The following GRIK2 variants were observed in gnomAD, a reference collection of about 807,000 sequenced individuals.
GRIK2 encodes glutamate ionotropic receptor kainate type subunit 2.
Under a neutral mutation model 100.3 loss-of-function variants are expected in GRIK2, and 32 were observed. The observed-to-expected ratio is 0.32, with a 90% confidence interval of 0.24 to 0.43. The LOEUF (loss-of-function observed/expected upper bound fraction) is 0.43, where lower values mean the gene tolerates loss of function less well. Among genes scored for constraint, GRIK2 ranks in the 20% least tolerant of loss-of-function variants. The pLI, the probability that GRIK2 is intolerant of heterozygous loss-of-function variation, is 1.00. For missense variants in GRIK2, 843 were observed against 1,114.9 expected, an observed-to-expected ratio of 0.76 and a Z score of 3.47; for synonymous variants, 417 against 389.4, an observed-to-expected ratio of 1.07 and a Z score of -0.83.
intron 2 of GRIK2, among the ~76,000 whole-genome samples, chr6:101,566,732 A>G (rs1009156512): frequency 3.3e-5 from 5 of 150,694 alleles, no homozygotes; most frequent in Non-Finnish European, 5.9e-5. Context: ...GTAAAACAAG[A>G]AAATTTTTTT....
intron 12 of GRIK2, among the ~76,000 whole-genome samples, chr6:101,898,171 A>G (rs554622801): frequency 3.9e-5 from 6 of 152,006 alleles, no homozygotes; most frequent in African/African-American, 1.4e-4. Flanking sequence ...CCTCACCCTC[A>G]CCACAAATGA....
intron 9 of GRIK2, among the ~76,000 whole-genome samples, chr6:101,803,351 G>A (rs895293355): frequency 4.0e-5 from 6 of 151,796 alleles, no homozygotes; most frequent in African/African-American, 7.2e-5. Context: ...CCAGGACAGA[G>A]TAAAATTGCA....
chr6:101,455,042 ATCT>A (rs1294717564), intron 2 of GRIK2, among the ~76,000 whole-genome samples: 1 of 152,070 alleles, frequency 6.6e-6, no homozygotes, highest in Admixed American at 6.6e-5. Flanking sequence ...AATTTATAAA[ATCT>A]TCTACATTTT....
chr6:101,496,422 T>C (rs1258590016), intron 2 of GRIK2, among the ~76,000 whole-genome samples: 2 of 152,200 alleles, frequency 1.3e-5, no homozygotes, highest in Admixed American at 6.5e-5. Context: ...ACATGCCTTA[T>C]GGGATCAGAC....
At chr6:101,545,578 C>T (rs1233700560) in intron 2 of GRIK2, among the ~76,000 whole-genome samples, 3 of 151,984 alleles carry the variant, frequency 2.0e-5, no homozygotes, top group African/African-American at 2.4e-5. Flanking sequence ...CTTTATCTTG[C>T]GGTGTTTCAT....
intron 7 of GRIK2, among the ~76,000 whole-genome samples, chr6:101,762,036 TTTTCCTTCC>T (rs551144033): frequency 0.011 from 1,056 of 93,724 alleles, 50 homozygotes; most frequent in African/African-American, 0.033. Context: ...TGTTTGTTTC[TTTTCCTTCC>T]TTTCCTTCCT....
chr6:101,792,784 A>T (rs1397011848), intron 7 of GRIK2, among the ~76,000 whole-genome samples: 1 of 151,998 alleles, frequency 6.6e-6, no homozygotes, highest in Non-Finnish European at 1.5e-5. Flanking sequence ...GTTCTCCTGG[A>T]TAATATCCTG....
In GRIK2 at chr6:101,810,108, T is replaced by C. The variant is rs1243039807; in HGVS notation, c.1203+7670T>C. ...ATATGTATAAATTACAATTATGATA[T>C]ATATAACATAATTGTAATTGATTGA... On this transcript the variant is annotated intron_variant, in intron 9 of 16. Coordinates refer to ENST00000369134, the MANE Select transcript of GRIK2 (RefSeq NM_021956.5). 4.0e-5 allele frequency among the ~76,000 whole-genome samples: 6 copies of C among 151,728 alleles called. No homozygotes were observed. In the East Asian group the frequency reaches 9.6e-4, roughly 24 times the overall value.
intron 14 of GRIK2, among the ~76,000 whole-genome samples, chr6:101,971,568 CA>C (rs1293355870): frequency 1.3e-5 from 2 of 151,918 alleles, no homozygotes; most frequent in African/African-American, 4.8e-5. Flanking sequence ...TTTATAATTG[CA>C]ACTTTTATTT....
chr6:101,762,278 G>A (rs557957254), intron 7 of GRIK2, among the ~76,000 whole-genome samples: 1 of 151,988 alleles, frequency 6.6e-6, no homozygotes, highest in East Asian at 1.9e-4. Flanking sequence ...GTGCTCGAAT[G>A]ATCCTCCCAT....
chr6:101,598,869 G>C (rs1779057939), intron 2 of GRIK2, among the ~76,000 whole-genome samples: 1 of 151,212 alleles, frequency 6.6e-6, no homozygotes, highest in Admixed American at 6.6e-5. Flanking sequence ...ATGTTTTAGG[G>C]CTCAATTCAC....
At chr6:101,740,527 G>C (rs1158524210) in intron 7 of GRIK2, among the ~76,000 whole-genome samples, 2 of 152,138 alleles carry the variant, frequency 1.3e-5, no homozygotes, top group African/African-American at 2.4e-5. Context: ...TGTTCAGAAC[G>C]TAACTTTTGC....
At chr6:101,795,268 G>A (rs1005708626) in intron 7 of GRIK2, among the ~76,000 whole-genome samples, 1 of 152,100 alleles carries the variant, frequency 6.6e-6, no homozygotes, top group Admixed American at 6.6e-5. Flanking sequence ...TTGATTATAG[G>A]GTTAGCAGTA....
chr6:101,860,851 G>T (rs539662774), intron 11 of GRIK2: 1 of 437,598 alleles, frequency 2.3e-6, no homozygotes, highest in Non-Finnish European at 3.0e-6. Context: ...GGTCCATTCA[G>T]TTGTTTTAGG....
intron 12 of GRIK2, among the ~76,000 whole-genome samples, chr6:101,910,839 C>CACACACACACGCACA (rs1554284826): frequency 1.8e-4 from 26 of 143,366 alleles, no homozygotes; most frequent in African/African-American, 6.9e-4. Context: ...CCAACATACA[C>CACACACACACGCACA]CACACACACA....
At chr6:101,452,940 C>CA (rs1770791317) in intron 2 of GRIK2, among the ~76,000 whole-genome samples, 1 of 151,680 alleles carries the variant, frequency 6.6e-6, no homozygotes, top group Non-Finnish European at 1.5e-5. Flanking sequence ...AATAAAATGG[C>CA]AGTTTTATTT....
chr6:101,850,143 C>T (rs936760611), intron 10 of GRIK2, among the ~76,000 whole-genome samples: 1 of 151,958 alleles, frequency 6.6e-6, no homozygotes, highest in African/African-American at 2.4e-5. Context: ...CTGCATTCCA[C>T]TTCTGATAAC....
At chr6:101,608,784 G>GGT (rs71689029) in intron 2 of GRIK2, among the ~76,000 whole-genome samples, 5,283 of 141,936 alleles carry the variant, frequency 0.037, 135 homozygotes, top group African/African-American at 0.081. Context: ...CTCATAGAGG[G>GGT]GTGTGTGTGT....
At chr6:101,563,515 C>A (rs1582723862) in intron 2 of GRIK2, among the ~76,000 whole-genome samples, 1 of 152,084 alleles carries the variant, frequency 6.6e-6, no homozygotes, top group Non-Finnish European at 1.5e-5. Flanking sequence ...TAGGTACTTA[C>A]ATAATTAGAA....
Sources: gnomAD v4.1 joint callset for allele counts (sites outside exome capture counted in the v4.1 genomes callset) on GRCh38, gnomAD v4.1.1 for gene constraint, MANE v1.5 for transcripts, NCBI Gene and HGNC (gene_info 2026-07-23, HGNC 2026-07-21) for gene names.